KASH5: variants seen among roughly 807,000 people sequenced by gnomAD.
KASH5 encodes the protein KASH domain containing 5.
In KASH5, 72 loss-of-function variants were observed where a neutral mutation model predicts 84.2. The observed-to-expected ratio is 0.85, with a 90% CI of 0.71 to 1.04. KASH5 has a LOEUF of 1.04. Among genes scored for constraint, KASH5 ranks in the 50% least tolerant of loss-of-function variants. The pLI is 0.00. For synonymous variants in KASH5, 260 were observed against 279.1 expected, an observed-to-expected ratio of 0.93 and a Z score of 0.68; for missense variants, 650 against 701.0, an observed-to-expected ratio of 0.93 and a Z score of 0.82.
At chr19:49,407,788 C>A in intron 12 of KASH5, 117 bp downstream of exon 12, 1 of 976,470 alleles carries the variant, frequency 1.0e-6, no homozygotes, top group Non-Finnish European at 1.6e-6. Context: ...CTTGCTTCTT[C>A]CATCCTTGAT....
chr19:49,392,161 T>C (rs1317164630), intron 2 of KASH5, among the ~76,000 whole-genome samples: 1 of 150,786 alleles, frequency 6.6e-6, no homozygotes, highest in African/African-American at 2.4e-5. Flanking sequence ...GAAGGAGAGA[T>C]GGAGACAGAG....
intron 11 of KASH5, 34 bp downstream of exon 11, chr19:49,407,330 T>C (rs772021543): frequency 2.5e-6 from 4 of 1,606,610 alleles, no homozygotes; most frequent in East Asian, 4.5e-5. Context: ...AGATTCGCTT[T>C]CCATGTGCAC....
intron 15 of KASH5, among the ~76,000 whole-genome samples, chr19:49,411,246 ATT>A (rs55762534): frequency 7.0e-6 from 1 of 143,578 alleles, no homozygotes; most frequent in Non-Finnish European, 1.5e-5. Flanking sequence ...CTCTCTCTCT[ATT>A]TTTTTTTTTT....
At chr19:49,409,946 A>G in intron 15 of KASH5, 71 bp downstream of exon 15, 4 of 1,565,178 alleles carry the variant, frequency 2.6e-6, no homozygotes, top group Non-Finnish European at 3.5e-6. Flanking sequence ...CGCCCTGGCC[A>G]GCCCATTCAC....
Position 49,399,004 on chromosome 19 carries a change from TC to T in KASH5, c.630-20del. The T allele has an allele frequency of 1.9e-6, 3 of 1,540,634 alleles. No homozygotes were observed. The highest frequency in any genetic ancestry group is 2.6e-6 in the Non-Finnish European group (3 of 1,137,400). ...GCCTTCCTCCCTCTCGTATGGCTCA[TC>T]TGCCCCCACCCGCATTCAGCACCCA... On this transcript the variant is annotated intron_variant, in intron 7 of 19. Transcript: ENST00000447857. This position sits in a 1 kb window ranked among gnomAD's most constrained non-coding sequence, Gnocchi z 4.4.
intron 9 of KASH5, among the ~76,000 whole-genome samples, chr19:49,403,489 CAT>C (rs1250173680): frequency 6.6e-6 from 1 of 152,230 alleles, no homozygotes; most frequent in East Asian, 1.9e-4. Context: ...AACTGGCTGA[CAT>C]AACGCCCCCA....
intron 3 of KASH5, chr19:49,394,850 C>G (rs1001073015): frequency 1.7e-6 from 1 of 585,604 alleles, no homozygotes; most frequent in Non-Finnish European, 3.0e-6. Flanking sequence ...ACCATGGTGG[C>G]GTGGGGCATG....
At chr19:49,391,020 T>G (rs1600889430) in intron 2 of KASH5, 94 bp downstream of exon 2, 1 of 1,372,370 alleles carries the variant, frequency 7.3e-7, no homozygotes. Context: ...TTGGGAGAGG[T>G]GGCTGGGGGT....
intron 7 of KASH5, among the ~76,000 whole-genome samples, chr19:49,398,344 C>T (rs1270708895): frequency 6.6e-6 from 1 of 151,376 alleles, no homozygotes; most frequent in Non-Finnish European, 1.5e-5. Flanking sequence ...TTTATCTTTC[C>T]CTTGAGGGTT....
rs1568610575 is a variant in KASH5, at chr19:49,395,228, A to G, written c.271A>G (p.Thr91Ala). Residue 91 changes from threonine to alanine, a missense_variant, in exon 4 of 20, where the codon ACT (threonine) becomes GCT (alanine). Physicochemically the swap from Thr to Ala is moderately conservative, Grantham distance 58. Coordinates refer to ENST00000447857, the MANE Select transcript of KASH5 (RefSeq NM_144688.5). This position sits in a 1 kb window ranked among gnomAD's most constrained non-coding sequence, Gnocchi z 4.4. ...LDPNGEGPKA[T>A]VDLDTFLVVM... is the part of the protein sequence containing the mutation. ...CCCCAATGGGGAGGGCCCTAAGGCC[A>G]CTGTGGACTTGGACACTTTCCTGGT... 1.2e-6 allele frequency: 2 copies of G among 1,612,920 alleles called. No individual in the cohort carries two copies. The highest frequency in any genetic ancestry group is 2.2e-5 in the East Asian group (1 of 44,870).
rs369582485 is a variant in KASH5, at chr19:49,414,996, G to A, written c.1374G>A (p.Thr458=). 1.1e-5 allele frequency: 18 copies of A among 1,611,964 alleles called. No individual in the cohort carries two copies. Among genetic ancestry groups the A allele is most frequent in the East Asian group, 4.5e-5 (2 of 44,838 alleles). The part of the protein sequence containing the change: ...EEEEDAESQV[T]ADLPVPLGAP... ...AGGAGGATGCAGAGAGCCAGGTCAC[G>A]GTAGGCAGTCCCCAGCACCCCTCCC... The change falls in exon 17 of 20, where the codon ACG becomes ACA. Residue 458 remains threonine (T), a splice_region_variant and synonymous_variant. Coordinates refer to ENST00000447857, the MANE Select transcript of KASH5 (RefSeq NM_144688.5). This position sits in a 1 kb window ranked among gnomAD's most constrained non-coding sequence, Gnocchi z 4.5.
At chr19:49,409,427 C>T in intron 14 of KASH5, 144 bp downstream of exon 14, 2 of 916,068 alleles carry the variant, frequency 2.2e-6, no homozygotes, top group Non-Finnish European at 3.3e-6. Flanking sequence ...TTCTCTAACT[C>T]TCTCTACCTC....
intron 3 of KASH5, 71 bp downstream of exon 3, chr19:49,394,651 C>G: frequency 8.1e-7 from 1 of 1,227,554 alleles, no homozygotes; most frequent in Non-Finnish European, 1.2e-6. Flanking sequence ...ACTGGGGAGC[C>G]TCAGAGAGAA....
chr19:49,410,101 C>A lies in KASH5; in HGVS notation c.1269+226C>A, dbSNP rs377569756. 7.9e-5 allele frequency among the ~76,000 whole-genome samples: 12 copies of A among 152,358 alleles called. No individual in the cohort carries two copies. The East Asian group carries it at 2.3e-3, about 29-fold the overall frequency. On this transcript the variant is annotated intron_variant, in intron 15 of 19. Transcript: ENST00000447857. Reference sequence around the variant, plus strand: ...GCGTTGTAGACAAAGGTGAACCAAGCAAACACACAAGTTGCACTGTGGCTT... The same window carrying A: ...GCGTTGTAGACAAAGGTGAACCAAGAAAACACACAAGTTGCACTGTGGCTT...
intron 16 of KASH5, among the ~76,000 whole-genome samples, chr19:49,413,466 C>T (rs1327894089): frequency 2.0e-5 from 3 of 152,168 alleles, no homozygotes; most frequent in Non-Finnish European, 2.9e-5. Flanking sequence ...CACCCTCCTC[C>T]GGGGCCCTGG....
In KASH5 at chr19:49,417,449, C is replaced by T. The variant is rs942904688; in HGVS notation, c.1628C>T (p.Pro543Leu). ...LLLLSVLLLG[P>L]SPPPTWPHLQ... The stretch of plus-strand genomic sequence containing the variant: ...CTGCTCTCTGTCCTGCTGCTTGGCC[C>T]GTCCCCACCTCCCACCTGGCCCCAC... Residue 543 changes from proline to leucine, a missense_variant, in exon 20 of 20, where the codon CCG becomes CTG. By Grantham distance (98) the Pro-to-Leu change is moderately conservative. Transcript: ENST00000447857. The surrounding 1 kb of genome is among the most constrained non-coding windows in gnomAD (Gnocchi z 5.2). 9.6e-6 allele frequency: 15 copies of T among 1,555,140 alleles called. No individual in the cohort carries two copies. The highest frequency in any genetic ancestry group is 6.8e-5 in the African/African-American group (5 of 73,144).
intron 6 of KASH5, 98 bp from the exon 7 acceptor site, chr19:49,397,884 C>T: frequency 6.7e-7 from 1 of 1,482,076 alleles, no homozygotes; most frequent in Non-Finnish European, 9.2e-7. Context: ...TATCTTTCCC[C>T]AAAAGAGCCA....
At position 49,390,786 on chromosome 19, in the gene KASH5, C is replaced by T; in HGVS notation, c.-95-3C>T. The T allele has an allele frequency of 2.9e-6, 4 of 1,367,192 alleles. No homozygotes were observed. Among genetic ancestry groups the T allele is most frequent in the Non-Finnish European group, 3.9e-6 (4 of 1,016,204 alleles). The allele number at this position is 1,367,192 out of a possible 1,614,324, so 84.7% of individuals were successfully genotyped here. ...GGACACCATTTCCTGCTTCTCCTTC[C>T]AGGAGTGCTCGGGCCAGCTGGTCCT... On this transcript the variant is annotated splice_polypyrimidine_tract_variant and splice_region_variant and intron_variant, in intron 1 of 19. Transcript: ENST00000447857.
chr19:49,402,259 A>G (rs1974385655), intron 9 of KASH5, among the ~76,000 whole-genome samples: 1 of 151,648 alleles, frequency 6.6e-6, no homozygotes, highest in Non-Finnish European at 1.5e-5. Context: ...AAAGGAAAAG[A>G]AAAACTTTCC....
Sources: allele counts gnomAD v4.1 joint callset (sites outside exome capture counted in the v4.1 genomes callset), GRCh38; gene constraint gnomAD v4.1.1; non-coding constraint Gnocchi (gnomAD v3.1); transcripts MANE v1.5; gene names NCBI Gene and HGNC (gene_info 2026-07-23, HGNC 2026-07-21).